The following LCORL variants were observed in gnomAD, a reference collection of about 807,000 sequenced individuals.
LCORL encodes the protein ligand dependent nuclear receptor corepressor like, also known as ligand-dependent nuclear receptor corepressor-like protein.
Under a neutral mutation model 141.8 loss-of-function variants are expected in LCORL, and 41 were observed. That is an observed-to-expected ratio of 0.29 (90% CI 0.23 to 0.38). The LOEUF is 0.38. LCORL is among the 10% of genes least tolerant of loss of function. The pLI is 1.00. For missense variants in LCORL, 1,759 were observed against 2,035.0 expected (o/e 0.86, Z 2.61); for synonymous variants, 618 against 694.1 (o/e 0.89, Z 1.72).
At chr4:17,870,762 A>G (rs1005869211) in intron 7 of LCORL, among the ~76,000 whole-genome samples, 5 of 152,224 alleles carry the variant, frequency 3.3e-5, no homozygotes, top group African/African-American at 1.2e-4. Flanking sequence ...GCTTAAGAGC[A>G]TATTGTAGAC....
rs1217813863 is a variant in LCORL at position 18,021,567 on chromosome 4, A to G, written c.154+31T>C. On this transcript the variant is annotated intron_variant, in intron 1 of 7. Coordinates refer to ENST00000635767, the Ensembl canonical transcript of LCORL. The surrounding 1 kb of genome is among the most constrained non-coding windows in gnomAD (Gnocchi z 5.5). The stretch of plus-strand genomic sequence containing the variant: ...GGCTGCGACAGCGGTCGCCGCGCGG[A>G]GCCCGGGGCCCCGGCCCGCGTCTCT... 6.0e-6 allele frequency: 9 copies of G among 1,500,598 alleles called. 1 individual carries two copies. Among genetic ancestry groups the G allele is most frequent in the Admixed American group, 4.6e-5 (2 of 43,234 alleles). 93.0% of individuals were successfully genotyped at this position (1,500,598 alleles called of 1,614,324 possible). A position where few individuals can be genotyped will look rare whatever the true frequency, so the allele number is the denominator to read the frequency against.
exon 8 of LCORL, chr4:17,844,782 A>G (rs972754775): frequency 6.6e-6 from 1 of 152,434 alleles, no homozygotes; most frequent in Non-Finnish European, 1.5e-5. Context: ...GGCTATCCAA[A>G]AAGAAAGGAG....
chr4:17,947,750 T>C (rs888376699), intron 4 of LCORL, among the ~76,000 whole-genome samples: 7 of 152,000 alleles, frequency 4.6e-5, no homozygotes, highest in Non-Finnish European at 7.4e-5. Flanking sequence ...ACCATCTGTA[T>C]AGAGTGTATT....
rs1378878397 is a variant in LCORL at position 17,849,989 on chromosome 4, T to C, written c.5603-4088A>G. ...AGAAATAATGCCACATATCTACAAC[T>C]ATCTGATCTTTGACAAACCTGAGAA... On this transcript the variant is annotated intron_variant, in intron 7 of 7. Coordinates refer to ENST00000635767, the Ensembl canonical transcript of LCORL. Among the ~76,000 whole-genome samples, 7 of 151,570 alleles carry C rather than the reference T, an allele frequency of 4.6e-5. No individual in the cohort carries two copies. In the South Asian group the frequency reaches 8.4e-4, roughly 18 times the overall value.
In LCORL at chr4:17,873,373, T is replaced by C. The variant is rs555995487; in HGVS notation, c.5602+15A>G. ...CCTACAATGAAACTTTAAAATTAAG[T>C]AGAGAAGAACTTACCTAGGGATTTG... On this transcript the variant is annotated intron_variant, in intron 7 of 7. Coordinates refer to ENST00000635767, the Ensembl canonical transcript of LCORL. 1.9e-5 allele frequency: 24 copies of C among 1,231,332 alleles called. No homozygotes were observed. The African/African-American group carries it at 3.1e-4, about 16-fold the overall frequency. 76.3% of individuals were successfully genotyped at this position (1,231,332 alleles called of 1,614,324 possible).
At chr4:17,939,024 T>C (rs546071910) in intron 4 of LCORL, among the ~76,000 whole-genome samples, 1 of 152,258 alleles carries the variant, frequency 6.6e-6, no homozygotes, top group African/African-American at 2.4e-5. Context: ...ACATAAAACA[T>C]TAGTAATTAT....
intron 1 of LCORL, among the ~76,000 whole-genome samples, chr4:18,018,406 T>C (rs943127762): frequency 6.6e-6 from 1 of 152,108 alleles, no homozygotes; most frequent in Non-Finnish European, 1.5e-5. Flanking sequence ...AGTACCACAA[T>C]GTAAGTAGAG....
At chr4:17,966,595 C>T (rs1714930719) in intron 2 of LCORL, among the ~76,000 whole-genome samples, 1 of 152,130 alleles carries the variant, frequency 6.6e-6, no homozygotes, top group South Asian at 2.1e-4. Flanking sequence ...TATGTCTTCA[C>T]TTACTCTACG....
intron 7 of LCORL, among the ~76,000 whole-genome samples, chr4:17,857,996 A>G (rs1054542706): frequency 4.6e-5 from 7 of 152,342 alleles, no homozygotes; most frequent in Admixed American, 4.6e-4. Context: ...GCATGCAAAA[A>G]ACATATATGA....
chr4:17,895,095 A>C (rs75366878), intron 5 of LCORL, among the ~76,000 whole-genome samples: 11,910 of 151,632 alleles, frequency 0.079, 962 homozygotes, highest in African/African-American at 0.21. Flanking sequence ...TTTATGGGGT[A>C]CATACATGTA....
At chr4:17,871,266 TAAAG>T (rs1370529045) in intron 7 of LCORL, among the ~76,000 whole-genome samples, 4 of 151,148 alleles carry the variant, frequency 2.6e-5, no homozygotes, top group Admixed American at 6.6e-5. Flanking sequence ...TGTTAAAAAA[TAAAG>T]AAGGAAAGTT....
intron 6 of LCORL, chr4:17,882,869 T>C: frequency 3.1e-6 from 3 of 980,912 alleles, no homozygotes; most frequent in Non-Finnish European, 2.4e-6. Flanking sequence ...TGCTCTAAGT[T>C]GCATTCCAAC....
chr4:17,853,459 G>A (rs971124356), intron 7 of LCORL, among the ~76,000 whole-genome samples: 5 of 152,020 alleles, frequency 3.3e-5, no homozygotes, highest in East Asian at 1.9e-4. Context: ...AATAATGTTC[G>A]GGCATAGACT....
chr4:17,966,143 G>A (rs1481911924), intron 2 of LCORL, among the ~76,000 whole-genome samples: 1 of 152,004 alleles, frequency 6.6e-6, no homozygotes, highest in African/African-American at 2.4e-5. Context: ...ATCATCCGTA[G>A]ACAATGATTA....
exon 5 of LCORL, chr4:17,909,244 T>C: frequency 6.2e-7 from 1 of 1,613,486 alleles, no homozygotes; most frequent in East Asian, 2.2e-5. Flanking sequence ...TCTTGAGTTT[T>C]ACCACTTTTT....
intron 5 of LCORL, among the ~76,000 whole-genome samples, chr4:17,899,440 G>C (rs1730539351): frequency 1.3e-5 from 2 of 152,292 alleles, no homozygotes; most frequent in South Asian, 2.1e-4. Flanking sequence ...AGTGGGCTTG[G>C]CAAGTGTCAG....
chr4:17,897,216 T>C (rs1046259079), intron 5 of LCORL, among the ~76,000 whole-genome samples: 873 of 80,156 alleles, frequency 0.011, 193 homozygotes, highest in African/African-American at 0.021. Flanking sequence ...CTGATTTCTT[T>C]TTTTTTTTTT....
exon 8 of LCORL, chr4:17,845,066 C>T (rs993168032): frequency 1.3e-5 from 2 of 152,174 alleles, no homozygotes; most frequent in African/African-American, 4.8e-5. Flanking sequence ...ACAGAAACCA[C>T]ATAGTATTTT....
intron 4 of LCORL, among the ~76,000 whole-genome samples, chr4:17,961,065 T>C (rs1282926469): frequency 6.6e-6 from 1 of 152,130 alleles, no homozygotes; most frequent in Non-Finnish European, 1.5e-5. Flanking sequence ...AAATATCTAG[T>C]GATATCTCAT....
Sources: allele counts gnomAD v4.1 joint callset (sites outside exome capture counted in the v4.1 genomes callset), GRCh38; gene constraint gnomAD v4.1.1; non-coding constraint Gnocchi (gnomAD v3.1); transcripts MANE v1.5; gene names NCBI Gene and HGNC (gene_info 2026-07-23, HGNC 2026-07-21).